Variants in PTPN13 observed in about 807,000 individuals in gnomAD.
PTPN13 encodes protein tyrosine phosphatase non-receptor type 13.
A neutral mutation model predicts 284.0 loss-of-function variants in PTPN13; 191 were observed. That is an observed-to-expected ratio of 0.67 (90% CI 0.60 to 0.76). The LOEUF (loss-of-function observed/expected upper bound fraction) is 0.76, where lower values mean the gene tolerates loss of function less well. Ranked by LOEUF, PTPN13 falls within the 30% of genes least tolerant of loss-of-function variation. The pLI is 0.00. For synonymous variants in PTPN13, 986 were observed against 1,022.3 expected, an observed-to-expected ratio of 0.96 and a Z score of 0.68; for missense variants, 2,797 against 2,939.9, an observed-to-expected ratio of 0.95 and a Z score of 1.12.
intron 3 of PTPN13, among the ~76,000 whole-genome samples, chr4:86,677,566 G>A (rs1011585126): frequency 2.0e-5 from 3 of 151,038 alleles, no homozygotes; most frequent in Non-Finnish European, 4.4e-5. Context: ...ATCTGCCTCG[G>A]CCTCCCACAG....
At chr4:86,737,237 CAAATAAAATA>C (rs200892673) in intron 15 of PTPN13, among the ~76,000 whole-genome samples, 4 of 147,944 alleles carry the variant, frequency 2.7e-5, no homozygotes, top group Non-Finnish European at 4.5e-5. Flanking sequence ...GACCCCATCT[CAAATAAAATA>C]AAATAAAATA....
Position 86,760,187 on chromosome 4 carries a change from C to G in PTPN13, c.3553+1114C>G, listed in dbSNP as rs538571949. 3.5e-4 allele frequency among the ~76,000 whole-genome samples: 54 copies of G among 152,198 alleles called. No homozygotes were observed. The South Asian group carries it at 6.2e-3, about 18-fold the overall frequency. On this transcript the variant is annotated intron_variant, in intron 23 of 47. Transcript: ENST00000411767. ...ATGTTACACACTTGTTTACTGTGAG[C>G]AAACACAATCGATAGAAGGGAAATA...
In PTPN13 at chr4:86,609,190, C is replaced by T. The variant is rs9993042; in HGVS notation, c.-6+14401C>T. On this transcript the variant is annotated intron_variant, in intron 1 of 47. Transcript: ENST00000411767. ...TGTCTTCACATCTATTTTTTTCTTA[C>T]GAGTCATGTACTGTTATCCCTATGA... Among the ~76,000 whole-genome samples, 518 of 152,030 alleles carry T rather than the reference C, an allele frequency of 3.4e-3. 7 individuals are homozygous for T. Among genetic ancestry groups the T allele is most frequent in the African/African-American group, 0.012 (484 of 41,458 alleles).
intron 2 of PTPN13, among the ~76,000 whole-genome samples, chr4:86,656,845 G>C (rs547845762): frequency 5.9e-5 from 9 of 152,340 alleles, no homozygotes; most frequent in Non-Finnish European, 1.3e-4. Flanking sequence ...GAGGCAGGCA[G>C]GCCTCCTTGA....
chr4:86,618,292 C>G (rs1331414519), intron 1 of PTPN13, among the ~76,000 whole-genome samples: 4 of 152,036 alleles, frequency 2.6e-5, no homozygotes, highest in Non-Finnish European at 4.4e-5. Context: ...CTGTATCTCT[C>G]TTTTGGTACC....
intron 47 of PTPN13, among the ~76,000 whole-genome samples, chr4:86,812,309 CAAAAAAAAAAA>C (rs555017151): frequency 8.5e-5 from 5 of 58,728 alleles, no homozygotes; most frequent in Admixed American, 2.0e-4. Context: ...GACTCCGTCT[CAAAAAAAAAAA>C]AAAAAAAAAA....
chr4:86,609,888 G>A (rs1015158563), intron 1 of PTPN13, among the ~76,000 whole-genome samples: 17 of 152,124 alleles, frequency 1.1e-4, no homozygotes, highest in Non-Finnish European at 2.2e-4. Flanking sequence ...ATCTTATAGA[G>A]CATTGGTGTG....
chr4:86,707,617 TTAA>T (rs1731910625), intron 7 of PTPN13, among the ~76,000 whole-genome samples: 2 of 152,178 alleles, frequency 1.3e-5, no homozygotes, highest in African/African-American at 4.8e-5. Flanking sequence ...TTTTAGTATC[TTAA>T]TAATTTTATG....
intron 3 of PTPN13, among the ~76,000 whole-genome samples, chr4:86,673,078 A>G (rs921937976): frequency 1.3e-5 from 2 of 152,230 alleles, no homozygotes; most frequent in African/African-American, 2.4e-5. Flanking sequence ...TCTAATGCCA[A>G]CATTGATCTG....
chr4:86,619,076 T>C (rs1720925499), intron 1 of PTPN13, among the ~76,000 whole-genome samples: 4 of 151,960 alleles, frequency 2.6e-5, no homozygotes, highest in Admixed American at 1.3e-4. Context: ...TGATACGCAG[T>C]TGGACACTCT....
chr4:86,695,000 A>G (rs1279678658), intron 6 of PTPN13, among the ~76,000 whole-genome samples: 1 of 152,206 alleles, frequency 6.6e-6, no homozygotes, highest in Non-Finnish European at 1.5e-5. Flanking sequence ...GACCTTGACT[A>G]TCTGGACCAA....
intron 1 of PTPN13, among the ~76,000 whole-genome samples, chr4:86,609,225 A>G (rs1457780751): frequency 2.0e-5 from 3 of 152,186 alleles, no homozygotes; most frequent in Non-Finnish European, 4.4e-5. Context: ...AAAATAGTTT[A>G]GATGATCATG....
chr4:86,672,552 T>G lies in PTPN13; in HGVS notation c.294+9T>G, dbSNP rs1388435711. 1 of 1,584,410 alleles carries G rather than the reference T, an allele frequency of 6.3e-7. No individual in the cohort carries two copies. The highest frequency in any genetic ancestry group is 8.6e-7 in the Non-Finnish European group (1 of 1,163,906). On this transcript the variant is annotated intron_variant, in intron 3 of 47. Coordinates refer to ENST00000411767, the MANE Select transcript of PTPN13 (RefSeq NM_080683.3). ...TCTCAGATGTTGAAAAGGTAACTGT[T>G]AAATTTTTTTGTTTGTTTTTTTATT...
chr4:86,596,064 CACTG>C (rs1004181987), intron 1 of PTPN13, among the ~76,000 whole-genome samples: 37 of 152,140 alleles, frequency 2.4e-4, no homozygotes, highest in Non-Finnish European at 1.0e-4. Flanking sequence ...TACAGAGGCG[CACTG>C]ACTGACGTCC....
intron 1 of PTPN13, among the ~76,000 whole-genome samples, chr4:86,603,437 T>C (rs572582918): frequency 6.6e-6 from 1 of 152,280 alleles, no homozygotes; most frequent in East Asian, 1.9e-4. Flanking sequence ...TACTGTGTAA[T>C]ATAACCTAAA....
chr4:86,748,250 C>G (rs1211034096), intron 17 of PTPN13, among the ~76,000 whole-genome samples: 2 of 152,166 alleles, frequency 1.3e-5, no homozygotes, highest in Non-Finnish European at 2.9e-5. Context: ...GGATTGCAGA[C>G]AGTGTGGAGC....
chr4:86,811,188 C>CT, intron 47 of PTPN13, 80 bp downstream of exon 47: 1 of 1,353,544 alleles, frequency 7.4e-7, no homozygotes, highest in Non-Finnish European at 1.0e-6. Flanking sequence ...AACCATTTTT[C>CT]TTTTTTGAGA....
intron 15 of PTPN13, among the ~76,000 whole-genome samples, chr4:86,736,547 G>C (rs1421243608): frequency 6.6e-6 from 1 of 152,136 alleles, no homozygotes; most frequent in East Asian, 1.9e-4. Flanking sequence ...TTCATGGAAA[G>C]AAAGAAAGGC....
At chr4:86,640,541 A>G (rs909579352) in intron 2 of PTPN13, among the ~76,000 whole-genome samples, 21 of 152,194 alleles carry the variant, frequency 1.4e-4, no homozygotes, top group African/African-American at 5.1e-4. Context: ...CACAACTGCA[A>G]ATTTACCACT....
Sources: allele counts gnomAD v4.1 joint callset (sites outside exome capture counted in the v4.1 genomes callset), GRCh38; gene constraint gnomAD v4.1.1; transcripts MANE v1.5; gene names NCBI Gene and HGNC (gene_info 2026-07-23, HGNC 2026-07-21).